The following RAP1GAP2 variants were observed in gnomAD, a reference collection of about 807,000 sequenced individuals.
RAP1GAP2 encodes the protein RAP1 GTPase activating protein 2.
Under a neutral mutation model 95.0 loss-of-function variants are expected in RAP1GAP2, and 27 were observed. The ratio of observed to expected loss-of-function variants is 0.28; its 90% CI spans 0.21 to 0.39. The LOEUF (loss-of-function observed/expected upper bound fraction) is 0.39. RAP1GAP2 is among the 10% of genes least tolerant of loss of function. RAP1GAP2 has a pLI of 1.00. For missense variants in RAP1GAP2, 771 were observed against 970.0 expected (o/e 0.79, Z 2.72); for synonymous variants, 373 against 380.9 (o/e 0.98, Z 0.24).
rs1270901622 is a variant in RAP1GAP2, at chr17:2,855,175, C to T, written c.81-50109C>T. On this transcript the variant is annotated intron_variant, in intron 2 of 24. Transcript: ENST00000254695. This position sits in a 1 kb window ranked among gnomAD's most constrained non-coding sequence, Gnocchi z 4.3. ...TGGGTTGTCCCCCATTCCTCTCGTC[C>T]CCCCTTCCTATAATGTGTGTAACAA... Among the ~76,000 whole-genome samples, 2 of 152,076 alleles carry T rather than the reference C, an allele frequency of 1.3e-5. No individual in the cohort carries two copies. Among genetic ancestry groups the T allele is most frequent in the African/African-American group, 4.8e-5 (2 of 41,398 alleles).
At chr17:2,771,919 TAG>T (rs1364303337) in intron 2 of RAP1GAP2, among the ~76,000 whole-genome samples, 1 of 152,132 alleles carries the variant, frequency 6.6e-6, no homozygotes, top group African/African-American at 2.4e-5. Context: ...TTTTAAGAAA[TAG>T]AGTCTCACTG....
At chr17:2,841,855 G>C (rs1030011548) in intron 2 of RAP1GAP2, among the ~76,000 whole-genome samples, 1 of 152,178 alleles carries the variant, frequency 6.6e-6, no homozygotes, top group African/African-American at 2.4e-5. Context: ...ACTCCCTGGG[G>C]TCACGGCTTT....
intron 2 of RAP1GAP2, among the ~76,000 whole-genome samples, chr17:2,818,905 CTGAG>C (rs1454892325): frequency 3.3e-5 from 5 of 152,076 alleles, no homozygotes; most frequent in African/African-American, 7.2e-5. Flanking sequence ...GTTTTGGAGA[CTGAG>C]TAAGTTTATA....
intron 8 of RAP1GAP2, among the ~76,000 whole-genome samples, chr17:2,969,729 C>T (rs1299419099): frequency 6.6e-6 from 1 of 151,774 alleles, no homozygotes; most frequent in African/African-American, 2.4e-5. Flanking sequence ...GTCCCGAACT[C>T]CTGACCTCAG....
At position 2,902,726 on chromosome 17, in the gene RAP1GAP2, G is replaced by A. The variant is rs1317959147; in HGVS notation, c.81-2558G>A. Among the ~76,000 whole-genome samples, 1 of 152,114 alleles carries A rather than the reference G, an allele frequency of 6.6e-6. No individual in the cohort carries two copies. Among genetic ancestry groups the A allele is most frequent in the Non-Finnish European group, 1.5e-5 (1 of 68,028 alleles). On this transcript the variant is annotated intron_variant, in intron 2 of 24. Transcript: ENST00000254695. This position sits in a 1 kb window ranked among gnomAD's most constrained non-coding sequence, Gnocchi z 4.1. The stretch of plus-strand genomic sequence containing the variant: ...GTGCTCCGACTTGAGAGTCTGCCTC[G>A]CTTCCTAGAGACCGGCCCCAGGAGC...
intron 2 of RAP1GAP2, among the ~76,000 whole-genome samples, chr17:2,804,639 C>T (rs1462179821): frequency 1.3e-5 from 2 of 152,230 alleles, no homozygotes; most frequent in African/African-American, 4.8e-5. Context: ...TGCTGGGGCC[C>T]ATCCCCTTGC....
chr17:2,858,060 A>G (rs977652352), intron 2 of RAP1GAP2, among the ~76,000 whole-genome samples: 3 of 152,206 alleles, frequency 2.0e-5, no homozygotes, highest in African/African-American at 7.2e-5. Context: ...AGATTGTGCC[A>G]CTGCACTCTA....
At chr17:2,947,234 G>C (rs1180159005) in intron 3 of RAP1GAP2, among the ~76,000 whole-genome samples, 4 of 147,852 alleles carry the variant, frequency 2.7e-5, no homozygotes, top group African/African-American at 9.9e-5. Flanking sequence ...CCAGAGAAGG[G>C]AAAGAGGAGC....
chr17:2,763,468 G>C (rs1394069698), intron 1 of RAP1GAP2, among the ~76,000 whole-genome samples: 1 of 152,106 alleles, frequency 6.6e-6, no homozygotes, highest in Non-Finnish European at 1.5e-5. Context: ...GGCCGAGGCA[G>C]GTGGATCACC....
intron 2 of RAP1GAP2, among the ~76,000 whole-genome samples, chr17:2,889,545 A>C (rs890942052): frequency 6.6e-6 from 1 of 152,062 alleles, no homozygotes; most frequent in Non-Finnish European, 1.5e-5. Flanking sequence ...CAGCCGTGAA[A>C]TACTGCAGGG....
At position 2,906,265 on chromosome 17, in the gene RAP1GAP2, G is replaced by A; in HGVS notation, c.165+897G>A. Among the ~76,000 whole-genome samples the A allele has an allele frequency of 6.6e-6, 1 of 152,186 alleles. No individual in the cohort carries two copies. The highest frequency in any genetic ancestry group is 1.5e-5 in the Non-Finnish European group (1 of 68,034). On this transcript the variant is annotated intron_variant, in intron 3 of 24. Coordinates refer to ENST00000254695, the MANE Select transcript of RAP1GAP2 (RefSeq NM_015085.5). The surrounding 1 kb of genome is among the most constrained non-coding windows in gnomAD (Gnocchi z 4.3). The stretch of plus-strand genomic sequence containing the variant: ...GATCATCAGGCATCTCTTCCTCACT[G>A]CTCTGCATCACCCCTCCTCTTCCCT...
rs772539584 is a variant in RAP1GAP2, at chr17:2,902,863, C to T, written c.81-2421C>T. On this transcript the variant is annotated intron_variant, in intron 2 of 24. Coordinates refer to ENST00000254695, the MANE Select transcript of RAP1GAP2 (RefSeq NM_015085.5). The surrounding 1 kb of genome is among the most constrained non-coding windows in gnomAD (Gnocchi z 4.1). ...GTGTTGGATGCTGCGCCCTTTTGAC[C>T]GGGACTCAGGGCCTTGAACAATAAT... Among the ~76,000 whole-genome samples the T allele has an allele frequency of 2.6e-5, 4 of 152,124 alleles. No individual in the cohort carries two copies. The highest frequency in any genetic ancestry group is 5.9e-5 in the Non-Finnish European group (4 of 68,024).
intron 4 of RAP1GAP2, among the ~76,000 whole-genome samples, chr17:2,960,172 T>TAGCACATGGAGGAGAGAG (rs1333745150): frequency 5.8e-5 from 8 of 137,728 alleles, no homozygotes; most frequent in Admixed American, 5.7e-4. Flanking sequence ...TCTAGCAAAA[T>TAGCACATGGAGGAGAGAG]AGCACATGGA....
intron 17 of RAP1GAP2, among the ~76,000 whole-genome samples, chr17:3,009,599 C>A (rs1453270481): frequency 6.6e-6 from 1 of 152,174 alleles, no homozygotes; most frequent in African/African-American, 2.4e-5. Context: ...TGGGGTCAGT[C>A]CCCCACTGCC....
chr17:2,960,638 G>C (rs928509030), intron 4 of RAP1GAP2, among the ~76,000 whole-genome samples: 1 of 152,224 alleles, frequency 6.6e-6, no homozygotes, highest in Admixed American at 6.5e-5. Context: ...TGTGACCTTA[G>C]GCAAGCAGCC....
At position 2,965,149 on chromosome 17, in the gene RAP1GAP2, G is replaced by GTA. The variant is rs2044535213; in HGVS notation, c.493-389_493-388dup. On this transcript the variant is annotated intron_variant, in intron 7 of 24. Coordinates refer to ENST00000254695, the MANE Select transcript of RAP1GAP2 (RefSeq NM_015085.5). This position sits in a 1 kb window ranked among gnomAD's most constrained non-coding sequence, Gnocchi z 4.7. ...CCATGGGAATGAGAATGTGGACTCG[G>GTA]TATCTTGTGGTTAAGAACTTGCCCT... 4.9e-6 allele frequency: 1 copy of GTA among 204,702 alleles called. No homozygotes were observed. Among genetic ancestry groups the GTA allele is most frequent in the African/African-American group, 2.3e-5 (1 of 43,542 alleles). 12.7% of individuals were successfully genotyped at this position (204,702 alleles called of 1,614,324 possible). A position where few individuals can be genotyped will look rare whatever the true frequency, so the allele number is the denominator to read the frequency against.
At position 2,867,738 on chromosome 17, in the gene RAP1GAP2, G is replaced by A. The variant is rs2072674238; in HGVS notation, c.81-37546G>A. 6.6e-6 allele frequency among the ~76,000 whole-genome samples: 1 copy of A among 152,198 alleles called. No homozygotes were observed. Among genetic ancestry groups the A allele is most frequent in the South Asian group, 2.1e-4 (1 of 4,834 alleles). On this transcript the variant is annotated intron_variant, in intron 2 of 24. Coordinates refer to ENST00000254695, the MANE Select transcript of RAP1GAP2 (RefSeq NM_015085.5). This position sits in a 1 kb window ranked among gnomAD's most constrained non-coding sequence, Gnocchi z 4.5. ...GCATGTTGCTCTCAGAAGCTCAGGG[G>A]ATGGAAGCTGGGCAGTAAAAATGCC...
At position 2,870,667 on chromosome 17, in the gene RAP1GAP2, G is replaced by C. The variant is rs899253464; in HGVS notation, c.81-34617G>C. Among the ~76,000 whole-genome samples, 2 of 152,040 alleles carry C rather than the reference G, an allele frequency of 1.3e-5. No individual in the cohort carries two copies. The highest frequency in any genetic ancestry group is 2.9e-5 in the Non-Finnish European group (2 of 68,020). On this transcript the variant is annotated intron_variant, in intron 2 of 24. Coordinates refer to ENST00000254695, the MANE Select transcript of RAP1GAP2 (RefSeq NM_015085.5). The surrounding 1 kb of genome is among the most constrained non-coding windows in gnomAD (Gnocchi z 4.4). ...TGTTTCTCTGTATTGTAACAAAGGC[G>C]GGATTATACTTTAGGTACAGTACAT...
intron 2 of RAP1GAP2, among the ~76,000 whole-genome samples, chr17:2,850,368 T>C (rs2071784933): frequency 6.6e-6 from 1 of 152,002 alleles, no homozygotes. Context: ...GAGGCAGAAC[T>C]TAATAAATTT....
Sources: allele counts gnomAD v4.1 joint callset (sites outside exome capture counted in the v4.1 genomes callset), GRCh38; gene constraint gnomAD v4.1.1; non-coding constraint Gnocchi (gnomAD v3.1); transcripts MANE v1.5; gene names NCBI Gene and HGNC (gene_info 2026-07-23, HGNC 2026-07-21).